Variants in CNTNAP2 observed in about 807,000 individuals in gnomAD.
CNTNAP2 encodes contactin associated protein 2.
CNTNAP2 carries 98 observed loss-of-function variants against 155.2 expected under a neutral mutation model. The observed-to-expected ratio is 0.63, with a 90% confidence interval of 0.54 to 0.75. CNTNAP2 has a LOEUF of 0.75. CNTNAP2 is among the 30% of genes least tolerant of loss of function. The probability of loss-of-function intolerance (pLI) is 0.00; values close to 1 mark genes in which losing one functional copy is unlikely to be tolerated. For synonymous variants in CNTNAP2, 651 were observed against 631.2 expected (o/e 1.03, Z -0.47); for missense variants, 1,727 against 1,688.1 (o/e 1.02, Z -0.40).
At chr7:147,471,794 A>G (rs1798220015) in intron 10 of CNTNAP2, among the ~76,000 whole-genome samples, 1 of 152,240 alleles carries the variant, frequency 6.6e-6, no homozygotes, top group African/African-American at 2.4e-5. Flanking sequence ...AGGTCAGTGA[A>G]TAAGACTGAC....
chr7:146,647,697 A>G (rs1414446997), intron 1 of CNTNAP2, among the ~76,000 whole-genome samples: 4 of 152,164 alleles, frequency 2.6e-5, no homozygotes, highest in Non-Finnish European at 5.9e-5. Flanking sequence ...AGTGCAGCAC[A>G]GGAAATCCAA....
intron 8 of CNTNAP2, among the ~76,000 whole-genome samples, chr7:147,265,611 G>A (rs1056807313): frequency 2.0e-5 from 3 of 152,286 alleles, no homozygotes; most frequent in African/African-American, 7.2e-5. Flanking sequence ...CAGCTCAGAC[G>A]AGTGGGTTTC....
intron 13 of CNTNAP2, among the ~76,000 whole-genome samples, chr7:147,827,504 C>A (rs1436858918): frequency 6.6e-6 from 1 of 152,146 alleles, no homozygotes; most frequent in African/African-American, 2.4e-5. Flanking sequence ...GTGTGGGCCA[C>A]AAGATCTACT....
intron 8 of CNTNAP2, among the ~76,000 whole-genome samples, chr7:147,198,230 TCC>T (rs1177171803): frequency 1.5e-3 from 202 of 135,336 alleles, no homozygotes; most frequent in Non-Finnish European, 2.7e-3. Context: ...GTTTCCAATA[TCC>T]TTTTTTTTTT....
intron 14 of CNTNAP2, among the ~76,000 whole-genome samples, chr7:147,951,104 C>T (rs184959068): frequency 3.9e-5 from 6 of 152,132 alleles, no homozygotes; most frequent in African/African-American, 1.2e-4. Flanking sequence ...TATCTGATAG[C>T]GATTTAATTC....
At chr7:147,633,266 G>A (rs1584869256) in intron 12 of CNTNAP2, among the ~76,000 whole-genome samples, 2 of 152,208 alleles carry the variant, frequency 1.3e-5, no homozygotes, top group South Asian at 2.1e-4. Context: ...TGGGTACACA[G>A]AAGTCAAAAA....
At chr7:147,519,154 G>A (rs1466306509) in intron 11 of CNTNAP2, among the ~76,000 whole-genome samples, 5 of 152,020 alleles carry the variant, frequency 3.3e-5, no homozygotes, top group African/African-American at 4.8e-5. Context: ...AGTCTGAAAC[G>A]GGTCTCACTA....
intron 2 of CNTNAP2, among the ~76,000 whole-genome samples, chr7:146,838,023 T>C (rs1326050559): frequency 6.6e-6 from 1 of 152,212 alleles, no homozygotes; most frequent in Non-Finnish European, 1.5e-5. Flanking sequence ...GACACATTCA[T>C]GACTCCCTTG....
At chr7:147,376,779 A>T (rs1003578476) in intron 9 of CNTNAP2, among the ~76,000 whole-genome samples, 16 of 151,968 alleles carry the variant, frequency 1.1e-4, no homozygotes, top group Admixed American at 3.3e-4. Context: ...TGGGGCAATA[A>T]ATAGGATCAA....
chr7:147,876,287 A>G (rs1431142632), intron 13 of CNTNAP2, among the ~76,000 whole-genome samples: 2 of 151,974 alleles, frequency 1.3e-5, no homozygotes, highest in Non-Finnish European at 2.9e-5. Context: ...TTTCTTATGC[A>G]TTGTCCTCCT....
chr7:148,322,787 GT>G (rs1167980408), intron 21 of CNTNAP2, among the ~76,000 whole-genome samples: 8 of 102,808 alleles, frequency 7.8e-5, no homozygotes, highest in Non-Finnish European at 1.6e-4. Flanking sequence ...TTGTTTTGTT[GT>G]TTTTTGGGGT....
intron 1 of CNTNAP2, among the ~76,000 whole-genome samples, chr7:146,717,363 AAAAG>A (rs1445746277): frequency 1.3e-5 from 2 of 151,426 alleles, no homozygotes; most frequent in African/African-American, 2.4e-5. Context: ...AAAAAAAAAA[AAAAG>A]CCATGTGTGG....
chr7:148,154,510 A>G (rs1320687989), intron 17 of CNTNAP2, among the ~76,000 whole-genome samples: 1 of 152,238 alleles, frequency 6.6e-6, no homozygotes, highest in Non-Finnish European at 1.5e-5. Flanking sequence ...GAAATGCAGT[A>G]TCATTGAGAG....
intron 1 of CNTNAP2, among the ~76,000 whole-genome samples, chr7:146,443,909 T>TG (rs151177303): frequency 0.013 from 2,040 of 152,362 alleles, 15 homozygotes; most frequent in Middle Eastern, 0.048. Context: ...CCTGTGAATA[T>TG]GGCTAGTATT....
intron 12 of CNTNAP2, among the ~76,000 whole-genome samples, chr7:147,573,026 A>G (rs548287073): frequency 8.5e-5 from 13 of 152,276 alleles, no homozygotes; most frequent in Admixed American, 7.8e-4. Flanking sequence ...TCCAATCACC[A>G]CAACCAAGAA....
chr7:147,185,245 T>G (rs1802541133), intron 8 of CNTNAP2, among the ~76,000 whole-genome samples: 1 of 152,070 alleles, frequency 6.6e-6, no homozygotes, highest in Non-Finnish European at 1.5e-5. Context: ...CAAAAGCAAA[T>G]TATTTCATAA....
intron 19 of CNTNAP2, among the ~76,000 whole-genome samples, chr7:148,228,106 T>C (rs1318559252): frequency 6.6e-6 from 1 of 152,146 alleles, no homozygotes; most frequent in Non-Finnish European, 1.5e-5. Context: ...AAAAAGGAAA[T>C]GAAAGGTGAC....
chr7:146,566,086 G>T (rs919231602), intron 1 of CNTNAP2, among the ~76,000 whole-genome samples: 10 of 152,218 alleles, frequency 6.6e-5, no homozygotes, highest in African/African-American at 2.2e-4. Context: ...CACCAGGCAG[G>T]TTGCCTGTTG....
At chr7:147,849,042 C>T (rs567533786) in intron 13 of CNTNAP2, among the ~76,000 whole-genome samples, 1 of 152,134 alleles carries the variant, frequency 6.6e-6, no homozygotes, top group Admixed American at 6.5e-5. Flanking sequence ...GAAAATTGTT[C>T]AGTAAAATTT....
Sources: gnomAD v4.1 joint callset for allele counts (sites outside exome capture counted in the v4.1 genomes callset) on GRCh38, gnomAD v4.1.1 for gene constraint, MANE v1.5 for transcripts, NCBI Gene and HGNC (gene_info 2026-07-23, HGNC 2026-07-21) for gene names.